The following LAMA2 variants were observed in gnomAD, a reference collection of about 807,000 sequenced individuals.
The protein encoded by LAMA2 is laminin subunit alpha 2, also known as laminin subunit alpha-2.
LAMA2 carries 269 observed loss-of-function variants against 364.8 expected under a neutral mutation model. The ratio of observed to expected loss-of-function variants is 0.74; its 90% CI spans 0.67 to 0.82. LAMA2 has a LOEUF of 0.82. Among genes scored for constraint, LAMA2 ranks in the 40% least tolerant of loss-of-function variants. LAMA2 has a pLI of 0.00. For missense variants in LAMA2, 3,807 were observed against 3,873.2 expected (o/e 0.98, Z 0.45); for synonymous variants, 1,379 against 1,370.6 (o/e 1.01, Z -0.14).
chr6:129,340,878 A>AAGAC (rs1562476261), intron 29 of LAMA2, among the ~76,000 whole-genome samples: 1 of 147,848 alleles, frequency 6.8e-6, no homozygotes, highest in Non-Finnish European at 1.5e-5. Flanking sequence ...AAAGAAAAGA[A>AAGAC]AAGACTTGTA....
Position 129,447,722 on chromosome 6 carries a change from A to G in LAMA2, c.6429+1901A>G, listed in dbSNP as rs561836785. Among the ~76,000 whole-genome samples, 4 of 152,320 alleles carry G rather than the reference A, an allele frequency of 2.6e-5. No homozygotes were observed. In the East Asian group the frequency reaches 7.7e-4, roughly 29 times the overall value. On this transcript the variant is annotated intron_variant, in intron 45 of 64. Transcript: ENST00000421865. The stretch of plus-strand genomic sequence containing the variant: ...GGGTAGATGAAAGAAAGAAGAATGA[A>G]GGACCCAACTATAGCTGTGGCAAGA...
intron 18 of LAMA2, among the ~76,000 whole-genome samples, chr6:129,282,163 G>A (rs1197109149): frequency 6.6e-6 from 1 of 152,150 alleles, no homozygotes; most frequent in Non-Finnish European, 1.5e-5. Flanking sequence ...AGAATTCTGT[G>A]ATCACATGAG....
chr6:129,209,606 A>G (rs1191828029), intron 12 of LAMA2, among the ~76,000 whole-genome samples: 1 of 152,174 alleles, frequency 6.6e-6, no homozygotes, highest in African/African-American at 2.4e-5. Flanking sequence ...GGTTCAGCAA[A>G]ACTGTTAAAT....
chr6:129,331,865 C>T (rs1313041300), intron 29 of LAMA2, among the ~76,000 whole-genome samples: 1 of 152,108 alleles, frequency 6.6e-6, no homozygotes, highest in African/African-American at 2.4e-5. Context: ...CCAGTGTTCA[C>T]CTTACTATAT....
At position 129,252,227 on chromosome 6, in the gene LAMA2, A is replaced by G. The variant is rs1227402311; in HGVS notation, c.2028A>G (p.Thr676=). ...HFPVRRKEFM[T]VLANLKRVLL... ...CAGTCCGTAGAAAGGAATTTATGAC[A>G]GTGCTTGCGAATTTGAAGAGAGTCC... Residue 676 remains threonine, a synonymous_variant, in exon 14 of 65, where the codon ACA becomes ACG. Coordinates refer to ENST00000421865, the MANE Select transcript of LAMA2 (RefSeq NM_000426.4). The G allele has an allele frequency of 6.2e-7, 1 of 1,614,126 alleles. No homozygotes were observed. Among genetic ancestry groups the G allele is most frequent in the South Asian group, 1.1e-5 (1 of 91,086 alleles).
At chr6:129,221,780 C>T (rs1461667233) in intron 12 of LAMA2, among the ~76,000 whole-genome samples, 7 of 152,158 alleles carry the variant, frequency 4.6e-5, no homozygotes, top group Admixed American at 1.3e-4. Context: ...CCCAGATAAA[C>T]ACATAAAAGT....
intron 14 of LAMA2, among the ~76,000 whole-genome samples, chr6:129,253,840 G>A (rs1207548075): frequency 2.0e-5 from 3 of 152,222 alleles, no homozygotes; most frequent in Non-Finnish European, 4.4e-5. Context: ...TCGCCATACA[G>A]GAGGAATGCA....
chr6:129,510,577 A>G lies in LAMA2; in HGVS notation c.8858-1786A>G, dbSNP rs1414156905. ...ATGATGGGAAACAGAAATAAGTAAC[A>G]TAGTTCTTTCTATCAAGAATATATT... On this transcript the variant is annotated intron_variant, in intron 62 of 64. Coordinates refer to ENST00000421865, the MANE Select transcript of LAMA2 (RefSeq NM_000426.4). Among the ~76,000 whole-genome samples the G allele has an allele frequency of 1.3e-5, 2 of 152,178 alleles. 1 individual carries two copies. Among genetic ancestry groups the G allele is most frequent in the Non-Finnish European group, 2.9e-5 (2 of 67,998 alleles).
chr6:128,921,745 T>G (rs1778748419), intron 1 of LAMA2, among the ~76,000 whole-genome samples: 1 of 151,214 alleles, frequency 6.6e-6, no homozygotes, highest in South Asian at 2.1e-4. Flanking sequence ...TTAGGGTACA[T>G]GTGCACAATG....
In LAMA2 at chr6:129,503,294, G is replaced by A. The variant is rs755995964; in HGVS notation, c.8547+14G>A. 6.2e-6 allele frequency: 10 copies of A among 1,609,928 alleles called. No homozygotes were observed. Among genetic ancestry groups the A allele is most frequent in the Non-Finnish European group, 8.5e-6 (10 of 1,177,410 alleles). On this transcript the variant is annotated intron_variant, in intron 60 of 64. Coordinates refer to ENST00000421865, the MANE Select transcript of LAMA2 (RefSeq NM_000426.4). ...CAGTGGCACAAGGTAATAGTCCCCT[G>A]GATATTGGCAGTACCCTAAGGGAAT... is the stretch of plus-strand genomic sequence containing the variant.
intron 12 of LAMA2, among the ~76,000 whole-genome samples, chr6:129,210,551 A>G (rs186665732): frequency 2.0e-5 from 3 of 152,264 alleles, no homozygotes; most frequent in Admixed American, 2.0e-4. Context: ...GCAGAACCAG[A>G]ATATTGCGTG....
At chr6:129,292,966 A>G in intron 20 of LAMA2, 4 of 985,892 alleles carry the variant, frequency 4.1e-6, no homozygotes, top group Non-Finnish European at 4.8e-6. Flanking sequence ...CAACAGGAGG[A>G]GCAGCCGCGG....
intron 2 of LAMA2, among the ~76,000 whole-genome samples, chr6:129,057,097 GC>G (rs1037417526): frequency 6.6e-6 from 1 of 151,976 alleles, no homozygotes; most frequent in African/African-American, 2.4e-5. Flanking sequence ...GATTCCTATT[GC>G]ATTGAGGACT....
chr6:129,360,289 G>C (rs752183777), intron 32 of LAMA2, among the ~76,000 whole-genome samples: 3 of 152,146 alleles, frequency 2.0e-5, no homozygotes, highest in Non-Finnish European at 4.4e-5. Flanking sequence ...TTTTCCCTAT[G>C]ATAGTAAATT....
intron 3 of LAMA2, among the ~76,000 whole-genome samples, chr6:129,076,228 G>T (rs1773624128): frequency 6.6e-6 from 1 of 151,462 alleles, no homozygotes; most frequent in Non-Finnish European, 1.5e-5. Context: ...AGCAGGTATA[G>T]AGATAAAAAG....
At chr6:129,428,694 C>T (rs1303800320) in intron 41 of LAMA2, among the ~76,000 whole-genome samples, 4 of 152,152 alleles carry the variant, frequency 2.6e-5, no homozygotes, top group African/African-American at 9.7e-5. Context: ...ATCCTCCCGC[C>T]TCGGCCTCCC....
chr6:129,200,072 C>T (rs1782093782), intron 12 of LAMA2, among the ~76,000 whole-genome samples: 1 of 147,584 alleles, frequency 6.8e-6, no homozygotes, highest in East Asian at 2.2e-4. Context: ...GAGCGAGACC[C>T]TCTCCAAAAA....
At chr6:129,151,292 T>C (rs1451986535) in intron 7 of LAMA2, among the ~76,000 whole-genome samples, 2 of 152,228 alleles carry the variant, frequency 1.3e-5, no homozygotes, top group Admixed American at 6.5e-5. Flanking sequence ...GAATTCTAAA[T>C]AGTGTGAGAA....
chr6:129,046,704 TA>T (rs1219278754), intron 1 of LAMA2, among the ~76,000 whole-genome samples: 1 of 152,214 alleles, frequency 6.6e-6, no homozygotes, highest in Non-Finnish European at 1.5e-5. Flanking sequence ...TACATAATCT[TA>T]TATGTTGAAA....
Sources: allele counts gnomAD v4.1 joint callset (sites outside exome capture counted in the v4.1 genomes callset), GRCh38; gene constraint gnomAD v4.1.1; transcripts MANE v1.5; gene names NCBI Gene and HGNC (gene_info 2026-07-23, HGNC 2026-07-21).